Variants in AADAT observed in about 807,000 individuals in gnomAD.
AADAT encodes aminoadipate aminotransferase.
Under a neutral mutation model 56.2 loss-of-function variants are expected in AADAT, and 25 were observed. The observed-to-expected ratio is 0.44, with a 90% CI of 0.32 to 0.62. The LOEUF (loss-of-function observed/expected upper bound fraction) is 0.62. Ranked by LOEUF, AADAT falls within the 20% of genes least tolerant of loss-of-function variation. The pLI is 0.04. For synonymous variants in AADAT, 173 were observed against 164.7 expected, an observed-to-expected ratio of 1.05 and a Z score of -0.39; for missense variants, 387 against 510.5, an observed-to-expected ratio of 0.76 and a Z score of 2.33.
rs1224129397 is a variant in AADAT at position 170,069,239 on chromosome 4, G to C, written c.721-9C>G. On this transcript the variant is annotated splice_polypyrimidine_tract_variant and intron_variant, in intron 6 of 12. Transcript: ENST00000337664. ...AATGTTGGTACCCTGAACTTAAAAT[G>C]AAAAATAAAAAATACTGTTGGTCTG... is the stretch of plus-strand genomic sequence containing the variant. 1.9e-6 allele frequency: 3 copies of C among 1,610,600 alleles called. No individual in the cohort carries two copies. Among genetic ancestry groups the C allele is most frequent in the Non-Finnish European group, 2.5e-6 (3 of 1,177,804 alleles).
At chr4:170,075,100 A>G (rs910558220) in intron 4 of AADAT, among the ~76,000 whole-genome samples, 1 of 152,230 alleles carries the variant, frequency 6.6e-6, no homozygotes, top group Non-Finnish European at 1.5e-5. Flanking sequence ...GCTTATTAGC[A>G]TATTTCCTCA....
upstream of AADAT, chr4:170,091,617 G>C (rs1020800498): frequency 6.5e-6 from 1 of 153,340 alleles, no homozygotes; most frequent in African/African-American, 2.4e-5. Context: ...AGGAGTGCGG[G>C]CTCACAGCCC....
In AADAT at chr4:170,061,924, A is replaced by C; in HGVS notation, c.1204T>G (p.Phe402Val). Residue 402 changes from phenylalanine to valine, a missense_variant, in exon 12 of 13, where the codon TTC (phenylalanine) becomes GTC (valine). Coordinates refer to ENST00000337664, the MANE Select transcript of AADAT (RefSeq NM_016228.4). The part of the protein sequence containing the change: ...SAPSPYLRAS[F>V]SSASPEQMDV... ...ATCTGTTCTGGAGAAGCTGAAGAGA[A>C]GGATGCTCTCAAGTAAGGGCTAGGA... 6.2e-7 allele frequency: 1 copy of C among 1,613,312 alleles called. No individual in the cohort carries two copies. Among genetic ancestry groups the C allele is most frequent in the Non-Finnish European group, 8.5e-7 (1 of 1,179,476 alleles).
intron 4 of AADAT, among the ~76,000 whole-genome samples, chr4:170,078,001 C>T (rs969941837): frequency 1.3e-5 from 2 of 152,158 alleles, no homozygotes; most frequent in Non-Finnish European, 2.9e-5. Flanking sequence ...AAACCTAATG[C>T]TCAGCAATGT....
chr4:170,082,704 A>G (rs1398163053), intron 3 of AADAT, among the ~76,000 whole-genome samples: 1 of 152,180 alleles, frequency 6.6e-6, no homozygotes, highest in East Asian at 1.9e-4. Flanking sequence ...TCACCTATAA[A>G]GACACACAGT....
intron 3 of AADAT, among the ~76,000 whole-genome samples, chr4:170,079,440 G>A (rs1379856019): frequency 1.3e-5 from 2 of 152,116 alleles, no homozygotes; most frequent in Non-Finnish European, 2.9e-5. Flanking sequence ...GTCTTGAAAA[G>A]ATCAATCTGG....
Position 170,068,685 on chromosome 4 carries a change from A to C in AADAT, c.806T>G (p.Leu269Trp). Residue 269 changes from leucine (L) to tryptophan (W), a missense_variant and splice_region_variant, in exon 8 of 13, where the codon TTG (leucine) becomes TGG (tryptophan). Leu to Trp is a moderately conservative substitution (Grantham distance 61, BLOSUM62 -2). Coordinates refer to ENST00000337664, the MANE Select transcript of AADAT (RefSeq NM_016228.4). ...DSFSKIISSG[L>W]RIGFLTGPKP... is the part of the protein sequence containing the mutation. Reference sequence around the variant, plus strand: ...TGGACCAGTTAAAAATCCTATTCTCAACCTACGTGGAAAGAGAAAAGGCAC... The same window carrying C: ...TGGACCAGTTAAAAATCCTATTCTCCACCTACGTGGAAAGAGAAAAGGCAC... 1.3e-6 allele frequency: 2 copies of C among 1,582,654 alleles called. No homozygotes were observed. Among genetic ancestry groups the C allele is most frequent in the Non-Finnish European group, 1.7e-6 (2 of 1,168,936 alleles).
chr4:170,064,189 C>T (rs942525575), intron 11 of AADAT, among the ~76,000 whole-genome samples: 3 of 152,132 alleles, frequency 2.0e-5, no homozygotes, highest in South Asian at 2.1e-4. Flanking sequence ...TTCCAAATAT[C>T]CTACCACGAG....
At chr4:170,075,090 G>T (rs1731969160) in intron 4 of AADAT, among the ~76,000 whole-genome samples, 1 of 152,130 alleles carries the variant, frequency 6.6e-6, no homozygotes, top group South Asian at 2.1e-4. Flanking sequence ...AACACATACT[G>T]CTTATTAGCA....
chr4:170,093,101 A>G (rs1732917202), upstream of AADAT, among the ~76,000 whole-genome samples: 1 of 151,998 alleles, frequency 6.6e-6, no homozygotes, highest in South Asian at 2.1e-4. Flanking sequence ...GGAGGACTCT[A>G]ACTGAGCAAG....
At chr4:170,093,372 G>C (rs1052957432), upstream of AADAT, among the ~76,000 whole-genome samples, 1 of 152,110 alleles carries the variant, frequency 6.6e-6, no homozygotes, top group African/African-American at 2.4e-5. Context: ...GGAGGTTGGA[G>C]TCAGCTGAAG....
chr4:170,073,119 C>A lies in AADAT; in HGVS notation c.654+17G>T. ...GAAACAGGAACACAACTACTTTAAC[C>A]CATTCTTCTACAATACCTCATAGAT... is the stretch of plus-strand genomic sequence containing the variant. On this transcript the variant is annotated intron_variant, in intron 5 of 12. Coordinates refer to ENST00000337664, the MANE Select transcript of AADAT (RefSeq NM_016228.4). 2 of 1,611,456 alleles carry A rather than the reference C, an allele frequency of 1.2e-6. No individual in the cohort carries two copies. Among genetic ancestry groups the A allele is most frequent in the South Asian group, 2.2e-5 (2 of 90,734 alleles).
In AADAT at chr4:170,088,835, G is replaced by A. The variant is rs144296264; in HGVS notation, c.68-271C>T. On this transcript the variant is annotated intron_variant, in intron 1 of 12. Coordinates refer to ENST00000337664, the MANE Select transcript of AADAT (RefSeq NM_016228.4). ...GGTGCACTTATAAAAGAGGGCTGAGGGAATGCCCTTGGCCCTTCTGCCACG... is the reference window on the plus strand; with the variant it reads ...GGTGCACTTATAAAAGAGGGCTGAGAGAATGCCCTTGGCCCTTCTGCCACG... Among the ~76,000 whole-genome samples the A allele has an allele frequency of 7.9e-5, 12 of 152,172 alleles. No homozygotes were observed. In the East Asian group the frequency reaches 1.5e-3, roughly 20 times the overall value.
chr4:170,063,079 G>T (rs1731270936), intron 11 of AADAT, among the ~76,000 whole-genome samples: 1 of 152,172 alleles, frequency 6.6e-6, no homozygotes, highest in Non-Finnish European at 1.5e-5. Context: ...AAGAGGAGTT[G>T]GGAGTGATAT....
rs1184747658 is a variant in AADAT, at chr4:170,089,746, C to T, written c.-56G>A. On this transcript the variant is annotated 5_prime_UTR_variant, in exon 1 of 13. Coordinates refer to ENST00000337664, the MANE Select transcript of AADAT (RefSeq NM_016228.4). ...CTTCAGTGGTTGAGGACTAGAAAAACCAAAGAGCCTCGTCAAGTCCTGCCT... is the reference window on the plus strand; with the variant it reads ...CTTCAGTGGTTGAGGACTAGAAAAATCAAAGAGCCTCGTCAAGTCCTGCCT... The T allele has an allele frequency of 1.3e-6, 2 of 1,581,084 alleles. No homozygotes were observed. The highest frequency in any genetic ancestry group is 4.5e-5 in the East Asian group (2 of 44,508).
At chr4:170,076,483 T>A (rs1561019000) in intron 4 of AADAT, among the ~76,000 whole-genome samples, 1 of 152,198 alleles carries the variant, frequency 6.6e-6, no homozygotes, top group Non-Finnish European at 1.5e-5. Context: ...ATGTTGAGCA[T>A]CTTTTATGTG....
At chr4:170,088,646 A>G (rs534383898) in intron 1 of AADAT, 82 bp from the exon 2 acceptor site, 182 of 1,400,862 alleles carry the variant, frequency 1.3e-4, no homozygotes, top group Middle Eastern at 9.1e-4. Flanking sequence ...ATAGTCAATA[A>G]AACTATAAAG....
At chr4:170,072,760 AAAG>A (rs1174674227) in intron 5 of AADAT, among the ~76,000 whole-genome samples, 2 of 152,182 alleles carry the variant, frequency 1.3e-5, no homozygotes, top group Admixed American at 6.5e-5. Flanking sequence ...TCTCATTTTT[AAAG>A]AATTCTTGGT....
intron 9 of AADAT, 64 bp from the exon 10 acceptor site, chr4:170,066,542 CCA>C: frequency 8.7e-7 from 1 of 1,155,926 alleles, no homozygotes; most frequent in African/African-American, 1.5e-5. Flanking sequence ...AAAACAGTCT[CCA>C]GAGTCCAGGC....
Sources: allele counts gnomAD v4.1 joint callset (sites outside exome capture counted in the v4.1 genomes callset), GRCh38; gene constraint gnomAD v4.1.1; transcripts MANE v1.5; gene names NCBI Gene and HGNC (gene_info 2026-07-23, HGNC 2026-07-21).